Variants in PPIL2 observed in about 807,000 individuals in gnomAD.
The protein encoded by PPIL2 is peptidylprolyl isomerase like 2, also known as RING-type E3 ubiquitin-protein ligase PPIL2.
A neutral mutation model predicts 75.2 loss-of-function variants in PPIL2; 50 were observed. That is an observed-to-expected ratio of 0.66 (90% confidence interval 0.53 to 0.84). The LOEUF (loss-of-function observed/expected upper bound fraction) is 0.84, where lower values mean the gene tolerates loss of function less well. Ranked by LOEUF, PPIL2 falls within the 40% of genes least tolerant of loss-of-function variation. The pLI, the probability that PPIL2 is intolerant of heterozygous loss-of-function variation, is 0.00. For missense variants in PPIL2, 590 were observed against 685.0 expected, an observed-to-expected ratio of 0.86 and a Z score of 1.55; for synonymous variants, 245 against 258.8, an observed-to-expected ratio of 0.95 and a Z score of 0.51.
intron 8 of PPIL2, 70 bp downstream of exon 8, chr22:21,682,596 C>CCTCCTCAGTCTAG: frequency 1.3e-6 from 1 of 798,676 alleles, no homozygotes; most frequent in Non-Finnish European, 1.7e-6. Flanking sequence ...TCTACAGGGC[C>CCTCCTCAGTCTAG]CTACCCCCAC....
At chr22:21,669,879 G>C in intron 1 of PPIL2, 34 bp from the exon 2 acceptor site, 1 of 1,591,150 alleles carries the variant, frequency 6.3e-7, no homozygotes, top group Non-Finnish European at 8.6e-7. Context: ...TTATAAAGGT[G>C]GTGGTGGTAG....
chr22:21,686,986 G>A lies in PPIL2; in HGVS notation c.885G>A (p.Leu295=), dbSNP rs201462624. The part of the protein sequence containing the change: ...HTNKGDLNLE[L]HCDLTPKTCE... The stretch of plus-strand genomic sequence containing the variant: ...ACAAGGGCGACCTCAACCTGGAGCT[G>A]CACTGCGACCTGGTGGGTGTGGAGG... Residue 295 remains leucine, a synonymous_variant, in exon 12 of 20, where the codon CTG becomes CTA. Transcript: ENST00000398831. The A allele has an allele frequency of 6.2e-7, 1 of 1,613,252 alleles. No homozygotes were observed. Among genetic ancestry groups the A allele is most frequent in the African/African-American group, 1.3e-5 (1 of 74,890 alleles).
At chr22:21,683,319 C>T (rs935432578) in intron 9 of PPIL2, 62 bp downstream of exon 9, 5 of 1,438,524 alleles carry the variant, frequency 3.5e-6, no homozygotes, top group Middle Eastern at 1.8e-4. Flanking sequence ...GGACAGTGCT[C>T]CCTGGGTAAA....
Position 21,684,873 on chromosome 22 carries a change from T to C in PPIL2, c.674T>C (p.Met225Thr), listed in dbSNP as rs574553741. The part of the protein sequence containing the change: ...FKGDEILAAT[M>T]KAPEKKKVDK... Reference sequence around the variant, plus strand: ...GGGGACGAGATTCTGGCAGCCACCATGAAGGCCCCGGAGAAGAAGAAAGTG... The same window carrying C: ...GGGGACGAGATTCTGGCAGCCACCACGAAGGCCCCGGAGAAGAAGAAAGTG... The change falls in exon 10 of 20, where the codon ATG becomes ACG. Residue 225 changes from methionine (M) to threonine (T), a missense_variant. By Grantham distance (81) the Met-to-Thr change is moderately conservative. Coordinates refer to ENST00000398831, the MANE Select transcript of PPIL2 (RefSeq NM_014337.4). 2 of 1,614,002 alleles carry C rather than the reference T, an allele frequency of 1.2e-6. No homozygotes were observed. Among genetic ancestry groups the C allele is most frequent in the East Asian group, 2.2e-5 (1 of 44,874 alleles).
chr22:21,687,252 C>T (rs917716172), intron 12 of PPIL2, among the ~76,000 whole-genome samples: 5 of 151,430 alleles, frequency 3.3e-5, no homozygotes, highest in Non-Finnish European at 5.9e-5. Context: ...TTCTCCCATG[C>T]GCTGTACTCT....
chr22:21,680,899 G>A (rs548476372), intron 6 of PPIL2, among the ~76,000 whole-genome samples: 1 of 151,902 alleles, frequency 6.6e-6, no homozygotes, highest in Non-Finnish European at 1.5e-5. Flanking sequence ...GGGGATGGGC[G>A]GTTCTGAAGG....
rs1336377650 is a variant in PPIL2 at position 21,696,685 on chromosome 22, C to CCTAA, written c.*1198_*1201dup. 17 of 1,534,168 alleles carry CCTAA rather than the reference C, an allele frequency of 1.1e-5. No homozygotes were observed. Among genetic ancestry groups the CCTAA allele is most frequent in the Admixed American group, 5.9e-5 (3 of 50,972 alleles). On this transcript the variant is annotated 3_prime_UTR_variant, in exon 20 of 20. Coordinates refer to ENST00000398831, the MANE Select transcript of PPIL2 (RefSeq NM_014337.4). ...CCACTTCTAGTTCTTCACACTAAGC[C>CCTAA]CTAACTTAGGCCTTGTTCTTGGTTT...
rs71318714 is a variant in PPIL2, at chr22:21,676,309, T to TTTTGTGTG, written c.295+1195_295+1196insTTGTGTGT. ...TTCAGCAAATATTTATTTATTTATTTTGTGTGTGTGTGTGTGTGTGTGTGT... is the reference window on the plus strand; with the variant it reads ...TTCAGCAAATATTTATTTATTTATTTTTTGTGTGTGTGTGTGTGTGTGTGTGTGTGTGT... On this transcript the variant is annotated intron_variant, in intron 6 of 19. Coordinates refer to ENST00000398831, the MANE Select transcript of PPIL2 (RefSeq NM_014337.4). 7.3e-3 allele frequency among the ~76,000 whole-genome samples: 893 copies of TTTTGTGTG among 123,044 alleles called. 8 individuals are homozygous for TTTTGTGTG. The highest frequency in any genetic ancestry group is 0.026 in the African/African-American group (823 of 31,488). 80.7% of individuals were successfully genotyped at this position (123,044 alleles called of 152,430 possible). A position where few individuals can be genotyped will look rare whatever the true frequency, so the allele number is the denominator to read the frequency against.
intron 1 of PPIL2, among the ~76,000 whole-genome samples, chr22:21,666,659 A>T (rs2066394366): frequency 6.6e-6 from 1 of 151,954 alleles, no homozygotes. Flanking sequence ...AAATACAAAA[A>T]TTAGCGGGGC....
chr22:21,670,259 T>C (rs2066580295), intron 2 of PPIL2: 1 of 1,325,876 alleles, frequency 7.5e-7, no homozygotes, highest in East Asian at 2.8e-5. Context: ...TTTTTCTCTA[T>C]CAAGTTTATA....
At chr22:21,666,174 A>C in intron 1 of PPIL2, 43 bp downstream of exon 1, 1 of 1,583,962 alleles carries the variant, frequency 6.3e-7, no homozygotes, top group Non-Finnish European at 8.6e-7. Context: ...ACTCTGCCTC[A>C]GTGAACCGCC....
chr22:21,683,057 C>T, intron 8 of PPIL2, 125 bp from the exon 9 acceptor site: 1 of 833,672 alleles, frequency 1.2e-6, no homozygotes, highest in Non-Finnish European at 2.1e-6. Flanking sequence ...CTGCTTGACT[C>T]CCCCAACCTC....
rs188807058 is a variant in PPIL2, at chr22:21,694,464, T to C, written c.1197-129T>C. On this transcript the variant is annotated intron_variant, in intron 16 of 19. Coordinates refer to ENST00000398831, the MANE Select transcript of PPIL2 (RefSeq NM_014337.4). ...TTGCCACTCCCTCTCATCGCCTTCC[T>C]GGCTGCTGCCCAAGGACCACCAGGC... is the stretch of plus-strand genomic sequence containing the variant. 1.1e-3 allele frequency: 1,099 copies of C among 996,780 alleles called. 14 individuals are homozygous for C. The African/African-American group carries it at 0.015, about 14-fold the overall frequency. The allele number at this position is 996,780 out of a possible 1,614,324, so 61.7% of individuals were successfully genotyped here. A position where few individuals can be genotyped will look rare whatever the true frequency, so the allele number is the denominator to read the frequency against.
intron 8 of PPIL2, among the ~76,000 whole-genome samples, chr22:21,682,870 G>T (rs1196757991): frequency 6.6e-6 from 1 of 152,244 alleles, no homozygotes; most frequent in Non-Finnish European, 1.5e-5. Flanking sequence ...ACCAGAGGTC[G>T]GCCCACGGCT....
chr22:21,668,943 C>A (rs1329201637), intron 1 of PPIL2, among the ~76,000 whole-genome samples: 1 of 151,508 alleles, frequency 6.6e-6, no homozygotes, highest in Admixed American at 6.6e-5. Context: ...CATCTCCTGA[C>A]CTGGTGATCC....
At chr22:21,694,522 TGCCTTGGGGCTCA>T in intron 16 of PPIL2, 58 bp from the exon 17 acceptor site, 2 of 1,553,702 alleles carry the variant, frequency 1.3e-6, no homozygotes, top group Non-Finnish European at 1.8e-6. Context: ...TCTTCCCACG[TGCCTTGGGGCTCA>T]GCCGTGGGGG....
intron 6 of PPIL2, among the ~76,000 whole-genome samples, chr22:21,676,342 A>G (rs577508913): frequency 2.3e-3 from 106 of 45,142 alleles, no homozygotes; most frequent in Non-Finnish European, 4.4e-3. Context: ...TGTGTGTGTT[A>G]TTGTTTATTT....
intron 8 of PPIL2, 75 bp from the exon 9 acceptor site, chr22:21,683,105 GCC>G: frequency 8.0e-7 from 1 of 1,248,086 alleles, no homozygotes; most frequent in East Asian, 2.3e-5. Context: ...CTGACAGCTG[GCC>G]GTCCTTTGCT....
chr22:21,699,087 A>C (rs1204933305), downstream of PPIL2: 1 of 152,464 alleles, frequency 6.6e-6, no homozygotes, highest in Non-Finnish European at 1.5e-5. Flanking sequence ...AAGAGATGGC[A>C]CCCAAAGGCA....
Sources: gnomAD v4.1 joint callset for allele counts (sites outside exome capture counted in the v4.1 genomes callset) on GRCh38, gnomAD v4.1.1 for gene constraint, MANE v1.5 for transcripts, NCBI Gene and HGNC (gene_info 2026-07-23, HGNC 2026-07-21) for gene names.